Variants in DACH1 observed in about 807,000 individuals in gnomAD.
DACH1 encodes dachshund family transcription factor 1.
Under a neutral mutation model 54.2 loss-of-function variants are expected in DACH1, and 12 were observed. The observed-to-expected ratio is 0.22, with a 90% CI of 0.14 to 0.36. The LOEUF (loss-of-function observed/expected upper bound fraction) is 0.36, where lower values mean the gene tolerates loss of function less well. Ranked by LOEUF, DACH1 falls within the 10% of genes least tolerant of loss-of-function variation. DACH1 has a pLI of 1.00. For missense variants in DACH1, 805 were observed against 929.8 expected, an observed-to-expected ratio of 0.87 and a Z score of 1.75; for synonymous variants, 386 against 366.2, an observed-to-expected ratio of 1.05 and a Z score of -0.62.
intron 4 of DACH1, among the ~76,000 whole-genome samples, chr13:71,563,028 T>A (rs1221491201): frequency 6.6e-6 from 1 of 152,074 alleles, no homozygotes; most frequent in East Asian, 1.9e-4. Context: ...AGAGATATAC[T>A]CTTAAAGTCT....
At chr13:71,458,713 A>G (rs1875807196) in intron 10 of DACH1, among the ~76,000 whole-genome samples, 1 of 151,874 alleles carries the variant, frequency 6.6e-6, no homozygotes, top group South Asian at 2.1e-4. Flanking sequence ...CACATGATAT[A>G]TTTTGATTCA....
chr13:71,843,428 C>T (rs1873013869), intron 1 of DACH1, among the ~76,000 whole-genome samples: 1 of 151,988 alleles, frequency 6.6e-6, no homozygotes, highest in Non-Finnish European at 1.5e-5. Context: ...CCATGCCTGG[C>T]TAATTTTTTT....
At chr13:71,589,916 T>A (rs1873573170) in intron 3 of DACH1, among the ~76,000 whole-genome samples, 1 of 152,088 alleles carries the variant, frequency 6.6e-6, no homozygotes, top group South Asian at 2.1e-4. Flanking sequence ...CAGATCATTT[T>A]ATTAAACCAT....
intron 3 of DACH1, among the ~76,000 whole-genome samples, chr13:71,598,757 C>T (rs1874291584): frequency 6.6e-6 from 1 of 152,150 alleles, no homozygotes; most frequent in Non-Finnish European, 1.5e-5. Context: ...TATCATTTAT[C>T]ACATATTCAA....
At position 71,557,267 on chromosome 13, in the gene DACH1, T is replaced by C. The variant is rs994983775; in HGVS notation, c.1436-109A>G. 186 of 781,166 alleles carry C rather than the reference T, an allele frequency of 2.4e-4. 1 individual carries two copies. Among genetic ancestry groups the C allele is most frequent in the Admixed American group, 9.4e-4 (24 of 25,568 alleles). 48.4% of individuals were successfully genotyped at this position (781,166 alleles called of 1,614,324 possible). A position where few individuals can be genotyped will look rare whatever the true frequency, so the allele number is the denominator to read the frequency against. On this transcript the variant is annotated intron_variant, in intron 5 of 10. Coordinates refer to ENST00000613252, the MANE Select transcript of DACH1 (RefSeq NM_080759.6). ...CTTGGACTCAACAGTAACTATAATA[T>C]TAATATAATGGTCTACCTTTAAATT...
chr13:71,751,823 A>T (rs549244807), intron 1 of DACH1, among the ~76,000 whole-genome samples: 2 of 152,312 alleles, frequency 1.3e-5, no homozygotes, highest in South Asian at 4.1e-4. Flanking sequence ...TATGTCACTG[A>T]AATGAGAACT....
intron 2 of DACH1, among the ~76,000 whole-genome samples, chr13:71,646,262 G>A (rs1200014797): frequency 1.3e-5 from 2 of 151,590 alleles, no homozygotes; most frequent in Non-Finnish European, 2.9e-5. Context: ...ACTTGAACCC[G>A]GGAGGCAGAG....
At chr13:71,668,261 T>C (rs951877457) in intron 2 of DACH1, among the ~76,000 whole-genome samples, 5 of 152,104 alleles carry the variant, frequency 3.3e-5, no homozygotes, top group Non-Finnish European at 7.4e-5. Flanking sequence ...TACATTTGCA[T>C]AGTTCTTTGG....
intron 2 of DACH1, chr13:71,675,488 T>A: frequency 6.9e-7 from 1 of 1,448,194 alleles, no homozygotes; most frequent in Non-Finnish European, 9.3e-7. Context: ...TCCACTATGA[T>A]GGGAAACATT....
intron 1 of DACH1, among the ~76,000 whole-genome samples, chr13:71,763,920 T>C (rs768648554): frequency 7.2e-5 from 11 of 152,230 alleles, no homozygotes; most frequent in Non-Finnish European, 1.6e-4. Flanking sequence ...CTTTATGCCA[T>C]GTTGCAAAAC....
intron 1 of DACH1, among the ~76,000 whole-genome samples, chr13:71,763,641 G>T (rs1885494149): frequency 6.6e-6 from 1 of 152,002 alleles, no homozygotes; most frequent in Admixed American, 6.5e-5. Flanking sequence ...AAGACTACAG[G>T]TGCACATTAC....
intron 1 of DACH1, among the ~76,000 whole-genome samples, chr13:71,804,324 A>G (rs2138133145): frequency 6.6e-6 from 1 of 152,206 alleles, no homozygotes; most frequent in Non-Finnish European, 1.5e-5. Context: ...GAGAAGAAAT[A>G]CATAATACAT....
At chr13:71,609,865 T>A (rs1875184044) in intron 3 of DACH1, among the ~76,000 whole-genome samples, 1 of 152,128 alleles carries the variant, frequency 6.6e-6, no homozygotes. Context: ...TAAAAAATTT[T>A]ATTATTAAAA....
intron 6 of DACH1, among the ~76,000 whole-genome samples, chr13:71,528,549 T>TCCC (rs559885264): frequency 3.4e-5 from 5 of 146,666 alleles, no homozygotes; most frequent in African/African-American, 1.2e-4. Context: ...TGCCTCAGCC[T>TCCC]CCCGAGTAGC....
intron 1 of DACH1, among the ~76,000 whole-genome samples, chr13:71,724,374 T>C (rs989709596): frequency 3.3e-5 from 5 of 152,162 alleles, no homozygotes; most frequent in African/African-American, 1.2e-4. Flanking sequence ...CTTTAGCAAA[T>C]ATAATTTACT....
chr13:71,516,116 T>A (rs1436191452), intron 6 of DACH1, among the ~76,000 whole-genome samples: 1 of 151,880 alleles, frequency 6.6e-6, no homozygotes, highest in Non-Finnish European at 1.5e-5. Context: ...TCCATTCCAG[T>A]GGACCAAGAG....
chr13:71,625,946 A>C (rs1483592734), intron 3 of DACH1, among the ~76,000 whole-genome samples: 1 of 151,948 alleles, frequency 6.6e-6, no homozygotes, highest in African/African-American at 2.4e-5. Flanking sequence ...CAAGCAATCT[A>C]CTATTGTTGA....
intron 9 of DACH1, 53 bp from the exon 10 acceptor site, chr13:71,475,262 C>T: frequency 1.4e-6 from 2 of 1,440,734 alleles, no homozygotes; most frequent in Non-Finnish European, 1.9e-6. Context: ...TTCCTATTGT[C>T]CTTTAAAAAA....
At chr13:71,723,248 A>T (rs544966308) in intron 1 of DACH1, among the ~76,000 whole-genome samples, 32,871 of 141,980 alleles carry the variant, frequency 0.23, 9,893 homozygotes, top group African/African-American at 0.69. Flanking sequence ...ACACAAATTA[A>T]AAAAAAAAAA....
Sources: allele counts gnomAD v4.1 joint callset (sites outside exome capture counted in the v4.1 genomes callset), GRCh38; gene constraint gnomAD v4.1.1; transcripts MANE v1.5; gene names NCBI Gene and HGNC (gene_info 2026-07-23, HGNC 2026-07-21).